The following TIAM1 variants were observed in gnomAD, a reference collection of about 807,000 sequenced individuals.
TIAM1 encodes the protein TIAM Rac1 associated GEF 1.
Under a neutral mutation model 163.5 loss-of-function variants are expected in TIAM1, and 65 were observed. The observed-to-expected ratio is 0.40, with a 90% CI of 0.33 to 0.49. The LOEUF (loss-of-function observed/expected upper bound fraction) is 0.49. TIAM1 is among the 20% of genes least tolerant of loss of function. The pLI is 0.77. For synonymous variants in TIAM1, 833 were observed against 810.1 expected, an observed-to-expected ratio of 1.03 and a Z score of -0.48; for missense variants, 1,789 against 2,044.7, an observed-to-expected ratio of 0.87 and a Z score of 2.41.
chr21:31,182,383 G>C, intron 15 of TIAM1, 38 bp downstream of exon 15: 1 of 1,463,562 alleles, frequency 6.8e-7, no homozygotes, highest in Non-Finnish European at 9.0e-7. Flanking sequence ...TGGCACAACG[G>C]AGTTCAGACT....
At chr21:31,277,061 C>G (rs533066514) in intron 2 of TIAM1, among the ~76,000 whole-genome samples, 153 bp from the exon 3 acceptor site, 1 of 152,332 alleles carries the variant, frequency 6.6e-6, no homozygotes, top group South Asian at 2.1e-4. Flanking sequence ...ACCACAGCAA[C>G]TCCATCTTAA....
At chr21:31,290,737 G>A (rs142306348) in intron 2 of TIAM1, among the ~76,000 whole-genome samples, 7 of 150,316 alleles carry the variant, frequency 4.7e-5, no homozygotes, top group Non-Finnish European at 5.9e-5. Context: ...TGCTGATGGC[G>A]ACTGCTTTTG....
chr21:31,425,271 A>G (rs1320611509), intron 2 of TIAM1, among the ~76,000 whole-genome samples: 2 of 152,144 alleles, frequency 1.3e-5, no homozygotes, highest in Non-Finnish European at 2.9e-5. Context: ...CGGAGAAATC[A>G]GAGAGGCCCA....
chr21:31,225,728 G>C lies in TIAM1; in HGVS notation c.1807C>G (p.Gln603Glu). ...DSKKKKTILD[Q>E]IFVWEQNLEQ... ...CCTAAACACGGAAGAACGATTACCT[G>C]ATCTAATATTGTTTTCTTTTTCTTT... The change falls in exon 7 of 28, where the codon CAG (glutamine) becomes GAG (glutamate). Residue 603 changes from glutamine (Q) to glutamate (E), a missense_variant and splice_region_variant. This residue lies in a region of TIAM1 where 456 missense variants were observed against 586.6 expected (regional missense o/e 0.78). Coordinates refer to ENST00000541036, the MANE Select transcript of TIAM1 (RefSeq NM_001353694.2). The C allele has an allele frequency of 6.2e-7, 1 of 1,608,726 alleles. No homozygotes were observed.
intron 5 of TIAM1, among the ~76,000 whole-genome samples, chr21:31,248,428 C>T (rs2833349): frequency 0.12 from 18,426 of 152,204 alleles, 1,652 homozygotes; most frequent in East Asian, 0.39. Context: ...AAGATGAACG[C>T]GAAGCAGCAA....
In TIAM1 at chr21:31,322,817, T is replaced by C. The variant is rs2075360007; in HGVS notation, c.-189+16426A>G. The stretch of plus-strand genomic sequence containing the variant: ...ACCTATCTACACATGCAATTGTATT[T>C]CTATTTCCACAAGGGGGTCAAGCAA... On this transcript the variant is annotated intron_variant, in intron 2 of 27. Transcript: ENST00000541036. Among the ~76,000 whole-genome samples the C allele has an allele frequency of 2.0e-5, 3 of 152,200 alleles. 1 individual carries two copies. The South Asian group carries it at 6.2e-4, about 32-fold the overall frequency.
chr21:31,296,979 T>G (rs931674512), intron 2 of TIAM1, among the ~76,000 whole-genome samples: 16 of 152,096 alleles, frequency 1.1e-4, no homozygotes, highest in Admixed American at 3.9e-4. Context: ...GGATTTCTGA[T>G]CTGCATTTCT....
chr21:31,397,642 T>G (rs1228255418), intron 2 of TIAM1, among the ~76,000 whole-genome samples: 1 of 152,160 alleles, frequency 6.6e-6, no homozygotes, highest in Admixed American at 6.5e-5. Context: ...TTTATGGCCA[T>G]CCTTCCTGGC....
chr21:31,419,675 A>T (rs951838726), intron 2 of TIAM1, among the ~76,000 whole-genome samples: 4 of 152,250 alleles, frequency 2.6e-5, no homozygotes, highest in African/African-American at 9.6e-5. Flanking sequence ...ATTTACACAC[A>T]AAGAAGTTAA....
upstream of TIAM1, among the ~76,000 whole-genome samples, chr21:31,346,609 G>A (rs1423322970): frequency 6.6e-6 from 1 of 152,212 alleles, no homozygotes; most frequent in Admixed American, 6.5e-5. Flanking sequence ...AGATGTGACA[G>A]ATACTGAGAC....
chr21:31,263,017 T>A (rs146251518), intron 4 of TIAM1, among the ~76,000 whole-genome samples: 67 of 152,270 alleles, frequency 4.4e-4, no homozygotes, highest in African/African-American at 1.3e-3. Flanking sequence ...AAATACACTG[T>A]TTGGAACATA....
In TIAM1 at chr21:31,160,279, C is replaced by T. The variant is rs566577057; in HGVS notation, c.2991+4683G>A. On this transcript the variant is annotated intron_variant, in intron 16 of 27. Transcript: ENST00000541036. ...CCTCCCCACGTCCCCCACCAAAAGC[C>T]ACAATACAGACTTTATGAACAAGGG... Among the ~76,000 whole-genome samples, 24 of 152,254 alleles carry T rather than the reference C, an allele frequency of 1.6e-4. 1 individual carries two copies. The South Asian group carries it at 3.5e-3, about 22-fold the overall frequency.
intron 4 of TIAM1, 146 bp from the exon 5 acceptor site, chr21:31,252,335 C>T: frequency 2.3e-6 from 2 of 863,978 alleles, no homozygotes; most frequent in Non-Finnish European, 3.6e-6. Context: ...GGCTCCTGGA[C>T]CAGGTCCTGC....
intron 1 of TIAM1, among the ~76,000 whole-genome samples, chr21:31,488,083 C>G (rs1346889789): frequency 6.6e-6 from 1 of 152,234 alleles, no homozygotes; most frequent in African/African-American, 2.4e-5. Flanking sequence ...TTCGGCCTCC[C>G]GAAGTGCTGG....
chr21:31,396,222 A>G (rs866506929), intron 2 of TIAM1, among the ~76,000 whole-genome samples: 20 of 152,194 alleles, frequency 1.3e-4, no homozygotes, highest in African/African-American at 4.6e-4. Context: ...ACTGCCCAAA[A>G]TCCAAACAAG....
At chr21:31,466,795 G>A (rs1047457058) in intron 1 of TIAM1, among the ~76,000 whole-genome samples, 2 of 152,052 alleles carry the variant, frequency 1.3e-5, no homozygotes, top group Admixed American at 6.6e-5. Flanking sequence ...TCTAGAAATG[G>A]CCGTTTCTAA....
intron 2 of TIAM1, among the ~76,000 whole-genome samples, chr21:31,428,238 G>A (rs1208331417): frequency 6.6e-6 from 1 of 152,170 alleles, no homozygotes; most frequent in East Asian, 1.9e-4. Flanking sequence ...CTGGGTAACA[G>A]GAGTGAAATC....
chr21:31,341,066 G>A (rs116358107), intron 1 of TIAM1, among the ~76,000 whole-genome samples: 2,127 of 152,232 alleles, frequency 0.014, 45 homozygotes, highest in African/African-American at 0.049. Flanking sequence ...ATTGAGAGAA[G>A]TGGAAAGGTT....
intron 1 of TIAM1, among the ~76,000 whole-genome samples, chr21:31,557,933 G>A (rs1386425004): frequency 1.3e-5 from 2 of 152,110 alleles, no homozygotes; most frequent in African/African-American, 4.8e-5. Context: ...GGACCTAGAG[G>A]CGCCGTGCGC....
Sources: gnomAD v4.1 joint callset for allele counts (sites outside exome capture counted in the v4.1 genomes callset) on GRCh38, gnomAD v4.1.1 for gene constraint, gnomAD v4.1.1 regional missense constraint, MANE v1.5 for transcripts, NCBI Gene and HGNC (gene_info 2026-07-23, HGNC 2026-07-21) for gene names.